DNAH11: variants seen among roughly 807,000 people sequenced by gnomAD.
DNAH11 encodes axonemal beta dynein heavy chain 11.
A neutral mutation model predicts 526.0 loss-of-function variants in DNAH11; 442 were observed. That is an observed-to-expected ratio of 0.84 (90% CI 0.78 to 0.91). The LOEUF is 0.91. Among genes scored for constraint, DNAH11 ranks in the 40% least tolerant of loss-of-function variants. The probability of loss-of-function intolerance (pLI) is 0.00; values close to 1 mark genes in which losing one functional copy is unlikely to be tolerated. For missense variants in DNAH11, 6,989 were observed against 5,448.7 expected (o/e 1.28, Z -8.90); for synonymous variants, 2,461 against 1,935.9 (o/e 1.27, Z -7.12).
At chr7:21,853,133 A>G (rs1276336085) in intron 67 of DNAH11, among the ~76,000 whole-genome samples, 2 of 152,174 alleles carry the variant, frequency 1.3e-5, no homozygotes, top group Non-Finnish European at 2.9e-5. Context: ...CATTTCCTAA[A>G]AGCCAGTAGA....
chr7:21,644,150 CTG>C (rs1583557703), intron 28 of DNAH11, among the ~76,000 whole-genome samples: 1 of 152,186 alleles, frequency 6.6e-6, no homozygotes, highest in East Asian at 1.9e-4. Context: ...CTCTAATAGA[CTG>C]TAAATATTGG....
At chr7:21,854,154 A>G (rs1352493418) in intron 67 of DNAH11, among the ~76,000 whole-genome samples, 161 bp from the exon 68 acceptor site, 1 of 152,224 alleles carries the variant, frequency 6.6e-6, no homozygotes, top group Non-Finnish European at 1.5e-5. Flanking sequence ...TTAAAATATG[A>G]ATGTAATCAT....
chr7:21,622,347 A>G (rs944962956), intron 25 of DNAH11, among the ~76,000 whole-genome samples: 1 of 152,250 alleles, frequency 6.6e-6, no homozygotes, highest in African/African-American at 2.4e-5. Context: ...AGAACGTTCC[A>G]TGCTCATGGG....
chr7:21,873,416 T>C lies in DNAH11; in HGVS notation c.12110T>C (p.Leu4037Pro). The C allele has an allele frequency of 1.2e-6, 2 of 1,613,996 alleles. No individual in the cohort carries two copies. Among genetic ancestry groups the C allele is most frequent in the Non-Finnish European group, 1.7e-6 (2 of 1,179,878 alleles). Residue 4037 changes from leucine (L) to proline (P), a missense_variant, in exon 74 of 82, where the codon CTC (leucine) becomes CCC (proline). Coordinates refer to ENST00000409508, the MANE Select transcript of DNAH11 (RefSeq NM_001277115.2). ...TPDEHIIPQG[L>P]LENSIKITNE... Reference sequence around the variant, plus strand: ...GATGAGCATATCATCCCTCAAGGACTCCTGGAAAATTCCATTAAGATCACT... The same window carrying C: ...GATGAGCATATCATCCCTCAAGGACCCCTGGAAAATTCCATTAAGATCACT...
At chr7:21,688,524 G>A (rs1222764790) in intron 34 of DNAH11, among the ~76,000 whole-genome samples, 1 of 152,164 alleles carries the variant, frequency 6.6e-6, no homozygotes, top group Admixed American at 6.5e-5. Context: ...CTGACTACCA[G>A]ATGCCCAGGC....
chr7:21,814,491 A>G (rs1184119369), intron 63 of DNAH11, among the ~76,000 whole-genome samples: 1 of 147,996 alleles, frequency 6.8e-6, no homozygotes, highest in Non-Finnish European at 1.5e-5. Context: ...CATTAGGTAT[A>G]TCTCCCAATG....
At chr7:21,590,403 A>G (rs916263140) in intron 12 of DNAH11, among the ~76,000 whole-genome samples, 6 of 152,222 alleles carry the variant, frequency 3.9e-5, no homozygotes, top group Non-Finnish European at 8.8e-5. Flanking sequence ...AAAACACAAA[A>G]TGCCTTAAAC....
At chr7:21,803,402 G>C (rs1464504104) in intron 62 of DNAH11, among the ~76,000 whole-genome samples, 1 of 152,152 alleles carries the variant, frequency 6.6e-6, no homozygotes, top group East Asian at 1.9e-4. Flanking sequence ...CATGCATTTT[G>C]CCTCATGGTC....
intron 57 of DNAH11, 71 bp downstream of exon 57, chr7:21,779,175 T>G (rs1787826060): frequency 6.6e-7 from 1 of 1,516,314 alleles, no homozygotes; most frequent in African/African-American, 1.4e-5. Flanking sequence ...AGGTGAACAA[T>G]TTTGAACAAC....
intron 36 of DNAH11, among the ~76,000 whole-genome samples, chr7:21,701,393 G>A (rs1784052442): frequency 2.6e-5 from 4 of 151,270 alleles, no homozygotes; most frequent in Admixed American, 1.3e-4. Context: ...TGGCTCAAGC[G>A]ATCTTTCCAT....
At position 21,705,984 on chromosome 7, in the gene DNAH11, T is replaced by A. The variant is rs569874875; in HGVS notation, c.6546+447T>A. Among the ~76,000 whole-genome samples the A allele has an allele frequency of 8.5e-5, 13 of 152,264 alleles. No individual in the cohort carries two copies. In the East Asian group the frequency reaches 2.3e-3, roughly 27 times the overall value. On this transcript the variant is annotated intron_variant, in intron 39 of 81. Transcript: ENST00000409508. ...CACATTTATCAAACCTATTTTCTTT[T>A]CCAAGTCATCCTTGATTCTCCTCCC...
intron 18 of DNAH11, among the ~76,000 whole-genome samples, chr7:21,606,048 A>C (rs1010178705): frequency 2.0e-5 from 3 of 152,188 alleles, no homozygotes; most frequent in Non-Finnish European, 4.4e-5. Flanking sequence ...ATTTACATGG[A>C]CATGGTGGCT....
chr7:21,715,951 C>T (rs1784647827), intron 42 of DNAH11, among the ~76,000 whole-genome samples: 1 of 151,332 alleles, frequency 6.6e-6, no homozygotes, highest in Non-Finnish European at 1.5e-5. Flanking sequence ...GAGCACCTCT[C>T]ACTTGTGGAA....
At chr7:21,555,885 C>T (rs1340767533) in intron 2 of DNAH11, among the ~76,000 whole-genome samples, 1 of 152,146 alleles carries the variant, frequency 6.6e-6, no homozygotes, top group African/African-American at 2.4e-5. Context: ...GACGGGCCCC[C>T]AAGTTTGTGA....
intron 69 of DNAH11, 123 bp from the exon 70 acceptor site, chr7:21,864,412 A>G (rs1783190439): frequency 3.8e-6 from 3 of 790,972 alleles, no homozygotes; most frequent in Non-Finnish European, 5.7e-6. Context: ...ACAGATGTCA[A>G]GTGGAGTTCC....
Position 21,750,384 on chromosome 7 carries a change from T to C in DNAH11, c.8940+20T>C. On this transcript the variant is annotated intron_variant, in intron 54 of 81. Coordinates refer to ENST00000409508, the MANE Select transcript of DNAH11 (RefSeq NM_001277115.2). ...CTCAAAGTAAGAAATACTTGCTTAA[T>C]TTGCATGTTAGTTAAAACCTGCTAT... is the stretch of plus-strand genomic sequence containing the variant. 6 of 1,585,352 alleles carry C rather than the reference T, an allele frequency of 3.8e-6. No homozygotes were observed. Among genetic ancestry groups the C allele is most frequent in the Non-Finnish European group, 4.3e-6 (5 of 1,165,828 alleles).
In DNAH11 at chr7:21,784,511, G is replaced by C; in HGVS notation, c.9568G>C (p.Ala3190Pro). 1 of 1,612,604 alleles carries C rather than the reference G, an allele frequency of 6.2e-7. No individual in the cohort carries two copies. The highest frequency in any genetic ancestry group is 2.2e-5 in the East Asian group (1 of 44,838). The change falls in exon 58 of 82, where the codon GCT (alanine) becomes CCT (proline). Residue 3190 changes from alanine to proline, a missense_variant. Physicochemically the swap from Ala to Pro is conservative, Grantham distance 27 (BLOSUM62 -1). Coordinates refer to ENST00000409508, the MANE Select transcript of DNAH11 (RefSeq NM_001277115.2). ...LLKAEPALVA[A>P]TAALNTLNRV... The stretch of plus-strand genomic sequence containing the variant: ...CAAGGCTGAGCCTGCACTGGTGGCT[G>C]CTACAGCTGCACTCAATACACTCAA...
At chr7:21,880,617 C>G in intron 74 of DNAH11, 85 bp from the exon 75 acceptor site, 1 of 1,447,444 alleles carries the variant, frequency 6.9e-7, no homozygotes, top group Non-Finnish European at 9.5e-7. Context: ...TCTCAAAGTT[C>G]TTTACAAGAT....
At chr7:21,700,728 G>GT (rs2128477790) in intron 36 of DNAH11, among the ~76,000 whole-genome samples, 1 of 152,268 alleles carries the variant, frequency 6.6e-6, no homozygotes, top group East Asian at 1.9e-4. Flanking sequence ...ATCAATGATA[G>GT]ACTGGATCAA....
Sources: gnomAD v4.1 joint callset for allele counts (sites outside exome capture counted in the v4.1 genomes callset) on GRCh38, gnomAD v4.1.1 for gene constraint, MANE v1.5 for transcripts, NCBI Gene and HGNC (gene_info 2026-07-23, HGNC 2026-07-21) for gene names.